Variants in CSF2RB observed in about 807,000 individuals in gnomAD.
CSF2RB encodes the protein colony stimulating factor 2 receptor subunit beta, also known as cytokine receptor common subunit beta.
In CSF2RB, 22 loss-of-function variants were observed where a neutral mutation model predicts 67.2. The observed-to-expected ratio is 0.33, with a 90% CI of 0.23 to 0.47. CSF2RB has a LOEUF of 0.47. Among genes scored for constraint, CSF2RB ranks in the 20% least tolerant of loss-of-function variants. The probability of loss-of-function intolerance (pLI) is 1.00; values close to 1 mark genes in which losing one functional copy is unlikely to be tolerated. For synonymous variants in CSF2RB, 507 were observed against 482.9 expected, an observed-to-expected ratio of 1.05 and a Z score of -0.65; for missense variants, 1,113 against 1,174.5, an observed-to-expected ratio of 0.95 and a Z score of 0.76.
chr22:36,921,201 G>A (rs985891362), intron 1 of CSF2RB, among the ~76,000 whole-genome samples: 3 of 151,382 alleles, frequency 2.0e-5, no homozygotes, highest in Non-Finnish European at 2.9e-5. Context: ...ATACATGTAT[G>A]TATCTGTGTT....
intron 1 of CSF2RB, among the ~76,000 whole-genome samples, chr22:36,917,617 A>C (rs1236945129): frequency 6.6e-6 from 1 of 152,122 alleles, no homozygotes. Context: ...TAGGGATTTA[A>C]AATGTATTGA....
intron 1 of CSF2RB, among the ~76,000 whole-genome samples, chr22:36,921,581 A>C (rs376868819): frequency 6.6e-6 from 1 of 152,118 alleles, no homozygotes; most frequent in African/African-American, 2.4e-5. Flanking sequence ...AGACCAGTGA[A>C]ATGAAAGGGA....
chr22:36,938,559 G>A lies in CSF2RB; in HGVS notation c.*57G>A. The stretch of plus-strand genomic sequence containing the variant: ...AGAGGGCTTGCCTTCCCTCCCGCCT[G>A]ACCTTCCTCAGTCATTTCTGCAAAG... On this transcript the variant is annotated 3_prime_UTR_variant, in exon 14 of 14. Coordinates refer to ENST00000403662, the MANE Select transcript of CSF2RB (RefSeq NM_000395.3). 2 of 1,538,094 alleles carry A rather than the reference G, an allele frequency of 1.3e-6. No homozygotes were observed. The highest frequency in any genetic ancestry group is 1.8e-6 in the Non-Finnish European group (2 of 1,140,680).
intron 3 of CSF2RB, among the ~76,000 whole-genome samples, chr22:36,925,038 T>C (rs2284031): frequency 0.4 from 60,984 of 152,090 alleles, 14,542 homozygotes; most frequent in East Asian, 0.79. Context: ...AACAGGTGTC[T>C]CCGACTCCAA....
intron 4 of CSF2RB, 48 bp from the exon 5 acceptor site, chr22:36,929,354 C>T (rs201329664): frequency 3.1e-6 from 5 of 1,613,262 alleles, no homozygotes; most frequent in Non-Finnish European, 4.2e-6. Context: ...GCCCTGACTG[C>T]CCCCCAGCGG....
At chr22:36,921,384 T>G in intron 1 of CSF2RB, among the ~76,000 whole-genome samples, 1 of 151,462 alleles carries the variant, frequency 6.6e-6, no homozygotes. Flanking sequence ...TGTGTGCATG[T>G]TTTGTGTGTA....
Position 36,939,467 on chromosome 22 carries a change from A to G in CSF2RB, c.*965A>G, listed in dbSNP as rs1941343765. On this transcript the variant is annotated 3_prime_UTR_variant, in exon 14 of 14. Transcript: ENST00000403662. Reference sequence around the variant, plus strand: ...CAACTCTCCCTCCCACCGGCCACAGATGAGGGGCTGCTGATCTATGCCTGG... The same window carrying G: ...CAACTCTCCCTCCCACCGGCCACAGGTGAGGGGCTGCTGATCTATGCCTGG... 3.7e-6 allele frequency: 2 copies of G among 544,012 alleles called. No individual in the cohort carries two copies. Among genetic ancestry groups the G allele is most frequent in the Admixed American group, 3.1e-5 (1 of 32,478 alleles). 33.7% of individuals were successfully genotyped at this position (544,012 alleles called of 1,614,324 possible). A position where few individuals can be genotyped will look rare whatever the true frequency, so the allele number is the denominator to read the frequency against.
Position 36,937,302 on chromosome 22 carries a change from A to G in CSF2RB, c.1569-75A>G. 6.4e-7 allele frequency: 1 copy of G among 1,569,252 alleles called. No homozygotes were observed. The highest frequency in any genetic ancestry group is 8.7e-7 in the Non-Finnish European group (1 of 1,151,642). On this transcript the variant is annotated intron_variant, in intron 13 of 13. Coordinates refer to ENST00000403662, the MANE Select transcript of CSF2RB (RefSeq NM_000395.3). The surrounding 1 kb of genome is among the most constrained non-coding windows in gnomAD (Gnocchi z 4.6). ...GCTTCCAGAGAACCATCTCCACCCCACCAAGACCCTTGTGCCTGACCCGGA... is the reference window on the plus strand; with the variant it reads ...GCTTCCAGAGAACCATCTCCACCCCGCCAAGACCCTTGTGCCTGACCCGGA...
intron 1 of CSF2RB, among the ~76,000 whole-genome samples, chr22:36,921,530 A>G (rs865953244): frequency 6.6e-6 from 1 of 152,036 alleles, no homozygotes; most frequent in African/African-American, 2.4e-5. Flanking sequence ...ACAGAAGAAA[A>G]GGAGCCACAC....
chr22:36,937,762 G>A lies in CSF2RB; in HGVS notation c.1954G>A (p.Val652Met), dbSNP rs1801114. Residue 652 changes from valine to methionine, a missense_variant, in exon 14 of 14, where the codon GTG becomes ATG. Val to Met is a conservative substitution (Grantham distance 21, BLOSUM62 1). Coordinates refer to ENST00000403662, the MANE Select transcript of CSF2RB (RefSeq NM_000395.3). The surrounding 1 kb of genome is among the most constrained non-coding windows in gnomAD (Gnocchi z 4.6). ...LAQAMGPGQA[V>M]EVERRPSQGA... ...CCAGGCGATGGGACCAGGACAGGCCGTGGAAGTGGAGAGAAGGCCGAGCCA... is the reference window on the plus strand; with the variant it reads ...CCAGGCGATGGGACCAGGACAGGCCATGGAAGTGGAGAGAAGGCCGAGCCA... The A allele has an allele frequency of 0.028, 44,663 of 1,574,552 alleles. 1,385 individuals carry two copies. The highest frequency in any genetic ancestry group is 0.14 in the African/African-American group (10,740 of 74,324).
intron 4 of CSF2RB, among the ~76,000 whole-genome samples, chr22:36,926,649 G>A (rs1202897198): frequency 6.6e-6 from 1 of 152,206 alleles, no homozygotes; most frequent in Non-Finnish European, 1.5e-5. Flanking sequence ...CAGGGAGCTT[G>A]TCTCCTCGCT....
rs1801115 is a variant in CSF2RB, at chr22:36,937,748, G to T, written c.1940G>T (p.Gly647Val). ...VQLVPLAQAM[G>V]PGQAVEVERR... ...CTGGTCCCTCTGGCCCAGGCGATGG[G>T]ACCAGGACAGGCCGTGGAAGTGGAG... Residue 647 changes from glycine (G) to valine (V), a missense_variant, in exon 14 of 14, where the codon GGA (glycine) becomes GTA (valine). Coordinates refer to ENST00000403662, the MANE Select transcript of CSF2RB (RefSeq NM_000395.3). This position sits in a 1 kb window ranked among gnomAD's most constrained non-coding sequence, Gnocchi z 4.6. The T allele has an allele frequency of 8.2e-4, 1,289 of 1,567,894 alleles. No homozygotes were observed. The highest frequency in any genetic ancestry group is 1.1e-3 in the Non-Finnish European group (1,240 of 1,156,038).
chr22:36,914,289 TG>T (rs1946648503), intron 1 of CSF2RB, among the ~76,000 whole-genome samples: 1 of 152,150 alleles, frequency 6.6e-6, no homozygotes, highest in Non-Finnish European at 1.5e-5. Context: ...CTTGCTGCGC[TG>T]AGGCCCAGAG....
rs2145804497 is a variant in CSF2RB, at chr22:36,929,421, G to A, written c.411G>A (p.Arg137=). The A allele has an allele frequency of 1.2e-6, 2 of 1,614,184 alleles. No homozygotes were observed. The highest frequency in any genetic ancestry group is 2.2e-5 in the East Asian group (1 of 44,870). Reference sequence around the variant, plus strand: ...CTCCAGTCCAGCCTCCTGAGCCCAGGGACCTGCAGATCAGCACCGACCAGG... The same window carrying A: ...CTCCAGTCCAGCCTCCTGAGCCCAGAGACCTGCAGATCAGCACCGACCAGG... ...LTQHVQPPEP[R]DLQISTDQDH... The change falls in exon 5 of 14, where the codon AGG becomes AGA. Residue 137 remains arginine, a synonymous_variant. Coordinates refer to ENST00000403662, the MANE Select transcript of CSF2RB (RefSeq NM_000395.3).
Position 36,922,049 on chromosome 22 carries a change from A to G in CSF2RB, c.-159A>G. On this transcript the variant is annotated 5_prime_UTR_variant, in exon 2 of 14. Transcript: ENST00000403662. The stretch of plus-strand genomic sequence containing the variant: ...CTCCTTCTGCAGGCCTGGAGGAGGC[A>G]GAGGCCAGGAGGGAGAGGTCCCAAG... The G allele has an allele frequency of 1.5e-6, 1 of 656,104 alleles. No individual in the cohort carries two copies. The highest frequency in any genetic ancestry group is 2.7e-6 in the Non-Finnish European group (1 of 366,202). 40.6% of individuals were successfully genotyped at this position (656,104 alleles called of 1,614,324 possible).
In CSF2RB at chr22:36,936,551, C is replaced by A. The variant is rs759598939; in HGVS notation, c.1467C>A (p.Asn489Lys). Residue 489 changes from asparagine (N) to lysine (K), a missense_variant and splice_region_variant, in exon 13 of 14, where the codon AAC becomes AAA. Asn to Lys is a moderately conservative substitution (Grantham distance 94). Coordinates refer to ENST00000403662, the MANE Select transcript of CSF2RB (RefSeq NM_000395.3). ...CCCAAATGTCTCTGCTCTTGCAGAA[C>A]GGGAGCGCAGAGCTTTGGCCCCCAG... ...PNPSKSHLFQ[N>K]GSAELWPPGS... 1.9e-6 allele frequency: 3 copies of A among 1,612,616 alleles called. No homozygotes were observed. Among genetic ancestry groups the A allele is most frequent in the Non-Finnish European group, 1.7e-6 (2 of 1,179,900 alleles).
chr22:36,921,149 ATG>A (rs1006083853), intron 1 of CSF2RB, among the ~76,000 whole-genome samples: 1 of 145,568 alleles, frequency 6.9e-6, no homozygotes, highest in African/African-American at 2.6e-5. Flanking sequence ...GTATGTGTGA[ATG>A]TGTGTGCATG....
At chr22:36,932,712 G>A (rs1408606267) in intron 8 of CSF2RB, 53 bp from the exon 9 acceptor site, 1 of 1,597,052 alleles carries the variant, frequency 6.3e-7, no homozygotes, top group Non-Finnish European at 8.5e-7. Flanking sequence ...CACGGGGAAT[G>A]TTCCGTTGGA....
At chr22:36,919,890 G>A (rs1208645777) in intron 1 of CSF2RB, among the ~76,000 whole-genome samples, 1 of 152,184 alleles carries the variant, frequency 6.6e-6, no homozygotes. Flanking sequence ...CTGTAGAAGT[G>A]TCTGCTGGGT....
Sources: gnomAD v4.1 joint callset for allele counts (sites outside exome capture counted in the v4.1 genomes callset) on GRCh38, gnomAD v4.1.1 for gene constraint, Gnocchi (gnomAD v3.1) non-coding constraint, MANE v1.5 for transcripts, NCBI Gene and HGNC (gene_info 2026-07-23, HGNC 2026-07-21) for gene names.